The following FAAH2 variants were observed in gnomAD, a reference collection of about 807,000 sequenced individuals.
FAAH2 encodes fatty acid amide hydrolase 2, also known as fatty-acid amide hydrolase 2.
Under a neutral mutation model 36.9 loss-of-function variants are expected in FAAH2, and 60 were observed. That is an observed-to-expected ratio of 1.63 (90% CI 1.32 to 2.02). FAAH2 has a LOEUF of 2.02. Ranked by LOEUF, FAAH2 falls within the 30% of genes most tolerant of loss-of-function variation. The pLI is 0.00. For synonymous variants in FAAH2, 214 were observed against 143.8 expected (o/e 1.49, Z -3.49); for missense variants, 689 against 397.5 (o/e 1.73, Z -6.23).
intron 3 of FAAH2, among the ~76,000 whole-genome samples, chrX:57,314,172 T>C (rs2052771192): frequency 8.9e-6 from 1 of 111,930 alleles, no homozygotes; most frequent in Non-Finnish European, 1.9e-5. Flanking sequence ...AATGTTTTAA[T>C]TCAATGAGAA....
At chrX:57,132,192 T>C in the FAAH2 span, among the ~76,000 whole-genome samples, 1 of 112,366 alleles carries the variant, frequency 8.9e-6, no homozygotes, top group Non-Finnish European at 1.9e-5. Context: ...ATACATTAAA[T>C]TTTTCACTAA....
At chrX:57,338,593 T>C (rs941490850) in intron 4 of FAAH2, among the ~76,000 whole-genome samples, 6 of 111,365 alleles carry the variant, frequency 5.4e-5, no homozygotes, top group African/African-American at 2.0e-4. Context: ...TGTGCAAAAA[T>C]TGCCAGCATT....
intron 5 of FAAH2, among the ~76,000 whole-genome samples, chrX:57,377,660 G>GT (rs754338355): frequency 8.9e-6 from 1 of 112,206 alleles, no homozygotes; most frequent in Admixed American, 9.5e-5. Context: ...ATTTAAAGTA[G>GT]TTTTTTCTAA....
chrX:57,376,226 C>T (rs922637626), intron 5 of FAAH2, among the ~76,000 whole-genome samples: 5 of 110,728 alleles, frequency 4.5e-5, no homozygotes, highest in African/African-American at 6.6e-5. Context: ...AGTCTTGTTA[C>T]GTGTTCATCG....
intron 8 of FAAH2, among the ~76,000 whole-genome samples, chrX:57,441,888 G>C (rs775638057): frequency 3.6e-4 from 40 of 111,542 alleles, no homozygotes; most frequent in Non-Finnish European, 7.0e-4. Flanking sequence ...TTCACGAGCA[G>C]GTTGTTCAGT....
chrX:57,208,843 C>T, the FAAH2 span, among the ~76,000 whole-genome samples: 462 of 112,230 alleles, frequency 4.1e-3, 2 homozygotes, highest in African/African-American at 0.014. Context: ...GGGCACAGAT[C>T]GCTCACGCTA....
chrX:57,389,682 G>A (rs1602502864), intron 7 of FAAH2, among the ~76,000 whole-genome samples: 1 of 110,249 alleles, frequency 9.1e-6, no homozygotes, highest in African/African-American at 3.3e-5. Context: ...AGAGAACATG[G>A]GATTGCAGTT....
the FAAH2 span, among the ~76,000 whole-genome samples, chrX:57,261,691 A>T: frequency 9.0e-6 from 1 of 110,877 alleles, no homozygotes; most frequent in Admixed American, 9.7e-5. Context: ...TATACGGAAC[A>T]TGAAAAAAAT....
At chrX:57,163,139 C>T in the FAAH2 span, among the ~76,000 whole-genome samples, 1 of 111,863 alleles carries the variant, frequency 8.9e-6, no homozygotes, top group African/African-American at 3.3e-5. Flanking sequence ...GTCAGTGTGC[C>T]CCTGCTGGGG....
chrX:57,207,775 A>T, the FAAH2 span, among the ~76,000 whole-genome samples: 99 of 112,697 alleles, frequency 8.8e-4, 1 homozygote, highest in African/African-American at 3.1e-3. Flanking sequence ...GCAAGGATCC[A>T]CAGACCCATG....
intron 5 of FAAH2, among the ~76,000 whole-genome samples, chrX:57,357,557 T>G (rs2054188926): frequency 8.9e-6 from 1 of 111,868 alleles, no homozygotes; most frequent in Non-Finnish European, 1.9e-5. Context: ...AAAGGAGACA[T>G]TTATGCAGAC....
chrX:57,352,035 T>TAC (rs1555979990), intron 5 of FAAH2, among the ~76,000 whole-genome samples: 1 of 15,883 alleles, frequency 6.3e-5, no homozygotes, highest in African/African-American at 1.2e-4. Flanking sequence ...TATATATATA[T>TAC]ACATATATAT....
chrX:57,169,569 T>G, the FAAH2 span, among the ~76,000 whole-genome samples: 1 of 55,797 alleles, frequency 1.8e-5, no homozygotes, highest in African/African-American at 4.7e-5. Context: ...TATATATATA[T>G]GGTTGTGATG....
At chrX:57,461,029 C>T (rs1463055244) in intron 10 of FAAH2, among the ~76,000 whole-genome samples, 1 of 110,462 alleles carries the variant, frequency 9.1e-6, no homozygotes, top group East Asian at 2.8e-4. Context: ...AGACTGCAAA[C>T]CAACAATGAC....
chrX:57,400,006 G>T (rs1204365367), intron 7 of FAAH2, among the ~76,000 whole-genome samples: 1 of 111,806 alleles, frequency 8.9e-6, no homozygotes, highest in Non-Finnish European at 1.9e-5. Context: ...AATCAGTCAA[G>T]GGAACCTCTA....
At chrX:57,161,332 T>G in the FAAH2 span, among the ~76,000 whole-genome samples, 1 of 111,818 alleles carries the variant, frequency 8.9e-6, no homozygotes, top group Admixed American at 9.5e-5. Context: ...AGAATGTATA[T>G]TCTGTTGATT....
intron 7 of FAAH2, among the ~76,000 whole-genome samples, chrX:57,414,449 C>A (rs1311375733): frequency 9.0e-6 from 1 of 111,569 alleles, no homozygotes; most frequent in Non-Finnish European, 1.9e-5. Flanking sequence ...TTATCAAAGG[C>A]CTTTTCTGCA....
chrX:57,343,621 T>A (rs1569276451), intron 5 of FAAH2, among the ~76,000 whole-genome samples: 1 of 111,779 alleles, frequency 8.9e-6, no homozygotes, highest in South Asian at 3.7e-4. Flanking sequence ...CTCTTTAGCT[T>A]AATTTGGTCC....
chrX:57,274,255 G>T, the FAAH2 span, among the ~76,000 whole-genome samples: 1 of 111,990 alleles, frequency 8.9e-6, no homozygotes, highest in African/African-American at 3.2e-5. Context: ...TTCTGAAATT[G>T]AAGCAGTAAT....
Sources: gnomAD v4.1 joint callset for allele counts (sites outside exome capture counted in the v4.1 genomes callset) on GRCh38, gnomAD v4.1.1 for gene constraint, MANE v1.5 for transcripts, NCBI Gene and HGNC (gene_info 2026-07-23, HGNC 2026-07-21) for gene names.